Variants in RHBDF2 observed in about 807,000 individuals in gnomAD.
The protein encoded by RHBDF2 is inactive rhomboid protein 2.
In RHBDF2, 38 loss-of-function variants were observed where a neutral mutation model predicts 95.2. The ratio of observed to expected loss-of-function variants is 0.40; its 90% CI spans 0.31 to 0.52. The LOEUF is 0.52. Ranked by LOEUF, RHBDF2 falls within the 20% of genes least tolerant of loss-of-function variation. The pLI is 0.56. For synonymous variants in RHBDF2, 442 were observed against 462.0 expected (o/e 0.96, Z 0.55); for missense variants, 863 against 1,137.7 (o/e 0.76, Z 3.47).
Position 76,479,127 on chromosome 17 carries a change from C to T in RHBDF2, c.423G>A (p.Pro141=), listed in dbSNP as rs773372003. 26 of 1,613,522 alleles carry T rather than the reference C, an allele frequency of 1.6e-5. No individual in the cohort carries two copies. Among genetic ancestry groups the T allele is most frequent in the East Asian group, 4.5e-5 (2 of 44,902 alleles). ...RDLELPSQEA[P]SFQGTESPKP... ...TTGGGGACTCAGTGCCCTGGAAGGA[C>T]GGTGCCTCCTGGCTGGGGAGCTCCA... is the stretch of plus-strand genomic sequence containing the variant. Residue 141 remains proline, a synonymous_variant, in exon 5 of 19, where the codon CCG becomes CCA. Transcript: ENST00000675367.
At chr17:76,473,550 C>A in intron 15 of RHBDF2, 98 bp downstream of exon 15, 4 of 1,101,738 alleles carry the variant, frequency 3.6e-6, no homozygotes, top group Admixed American at 2.0e-5. Flanking sequence ...ATCGGCCCAG[C>A]GGCTGTGGGT....
intron 2 of RHBDF2, among the ~76,000 whole-genome samples, chr17:76,484,444 G>A (rs564919934): frequency 7.2e-5 from 11 of 151,850 alleles, no homozygotes; most frequent in African/African-American, 2.7e-4. Context: ...TGCACGGGTC[G>A]GCGAGACAGC....
chr17:76,486,737 A>G (rs1026237593), intron 2 of RHBDF2, among the ~76,000 whole-genome samples: 1 of 151,930 alleles, frequency 6.6e-6, no homozygotes, highest in East Asian at 1.9e-4. Flanking sequence ...ATAAATAAAA[A>G]CACTGATGGT....
At position 76,474,050 on chromosome 17, in the gene RHBDF2, G is replaced by A. The variant is rs2073680776; in HGVS notation, c.1557C>T (p.Val519=). Reference sequence around the variant, plus strand: ...GGCCCTACCTGGGGTCCTGGTGGCAGACAGCCCCCGAAGTCCGCTTCTGGC... The same window carrying A: ...GGCCCTACCTGGGGTCCTGGTGGCAAACAGCCCCCGAAGTCCGCTTCTGGC... ...DLGQKRTSGA[V]CHQDPRTCEE... Residue 519 remains valine, a synonymous_variant, in exon 13 of 19, where the codon GTC becomes GTT. Coordinates refer to ENST00000675367, the MANE Select transcript of RHBDF2 (RefSeq NM_001005498.4). The A allele has an allele frequency of 6.2e-7, 1 of 1,613,296 alleles. No homozygotes were observed. Among genetic ancestry groups the A allele is most frequent in the Non-Finnish European group, 8.5e-7 (1 of 1,179,862 alleles).
At chr17:76,485,501 G>C (rs2074100233) in intron 2 of RHBDF2, among the ~76,000 whole-genome samples, 1 of 151,072 alleles carries the variant, frequency 6.6e-6, no homozygotes, top group East Asian at 1.9e-4. Context: ...AGAATCACTT[G>C]AACCCAGGAC....
Position 76,474,734 on chromosome 17 carries a change from C to G in RHBDF2, c.1298G>C (p.Ser433Thr), listed in dbSNP as rs770791420. ...TCCCCCAGCCTGGGCCCTCACCGAG[C>G]TGGGGCCAACCCAGAAGTTCTCCTG... The part of the protein sequence containing the change: ...IQQENFWVGP[S>T]SIDLIHLGAK... Residue 433 changes from serine (S) to threonine (T), a missense_variant, in exon 11 of 19, where the codon AGC (serine) becomes ACC (threonine). Physicochemically the swap from Ser to Thr is moderately conservative, Grantham distance 58. Coordinates refer to ENST00000675367, the MANE Select transcript of RHBDF2 (RefSeq NM_001005498.4). The G allele has an allele frequency of 6.2e-7, 1 of 1,614,218 alleles. No individual in the cohort carries two copies. The highest frequency in any genetic ancestry group is 1.1e-5 in the South Asian group (1 of 91,084).
At chr17:76,476,633 G>C in intron 9 of RHBDF2, 197 bp downstream of exon 9, 1 of 719,886 alleles carries the variant, frequency 1.4e-6, no homozygotes, top group Non-Finnish European at 2.2e-6. Flanking sequence ...AAGAGAGGCA[G>C]CAAGCACCCC....
At chr17:76,492,017 C>T (rs1296350589) in intron 1 of RHBDF2, among the ~76,000 whole-genome samples, 4 of 152,208 alleles carry the variant, frequency 2.6e-5, no homozygotes, top group Admixed American at 6.5e-5. Context: ...CCCCCAGGCC[C>T]GCCTCCGCAC....
Position 76,480,051 on chromosome 17 carries a change from G to GTGTATATATATATATATATATATA in RHBDF2, c.151-198_151-197insTATATATATATATATATATATACA, listed in dbSNP as rs1363176782. On this transcript the variant is annotated intron_variant, in intron 3 of 18. Transcript: ENST00000675367. ...TGTGTGTGTGTGTGTGTTTGTATATGTATATATATATATATATATATTTTT... is the reference window on the plus strand; with the variant it reads ...TGTGTGTGTGTGTGTGTTTGTATATGTGTATATATATATATATATATATATATATATATATATATATATATTTTT... 3.5e-4 allele frequency: 14 copies of GTGTATATATATATATATATATATA among 39,880 alleles called. 1 individual carries two copies. The highest frequency in any genetic ancestry group is 5.0e-4 in the Non-Finnish European group (10 of 19,990). 2.5% of individuals were successfully genotyped at this position (39,880 alleles called of 1,614,324 possible).
intron 1 of RHBDF2, among the ~76,000 whole-genome samples, chr17:76,498,696 G>A (rs2074491733): frequency 6.6e-6 from 1 of 152,168 alleles, no homozygotes; most frequent in Non-Finnish European, 1.5e-5. Context: ...AGCAGGACTC[G>A]GGCCCCAAGT....
rs749302992 is a variant in RHBDF2, at chr17:76,497,156, T to C, written c.-220+4197A>G. ...TGCCAGAGACCGGGGCAGGAAGCCA[T>C]CCCTGCACCACCTGCTGGCACAGGG... is the stretch of plus-strand genomic sequence containing the variant. On this transcript the variant is annotated intron_variant, in intron 1 of 18. Transcript: ENST00000675367. Among the ~76,000 whole-genome samples the C allele has an allele frequency of 5.3e-5, 8 of 152,076 alleles. 1 individual carries two copies. The highest frequency in any genetic ancestry group is 1.2e-4 in the Non-Finnish European group (8 of 68,012).
At chr17:76,474,245 A>G (rs2073688640) in intron 12 of RHBDF2, 103 bp from the exon 13 acceptor site, 1 of 1,347,810 alleles carries the variant, frequency 7.4e-7, no homozygotes, top group East Asian at 2.3e-5. Context: ...GCTCAGTCTC[A>G]TCTATGGGGG....
intron 12 of RHBDF2, 54 bp from the exon 13 acceptor site, chr17:76,474,196 G>A: frequency 7.2e-7 from 1 of 1,391,590 alleles, no homozygotes; most frequent in African/African-American, 1.4e-5. Flanking sequence ...CACCCCCACT[G>A]GAGTGGGCAA....
rs1166769424 is a variant in RHBDF2, at chr17:76,475,145, T to C, written c.1116-4A>G. On this transcript the variant is annotated splice_polypyrimidine_tract_variant and splice_region_variant and intron_variant, in intron 9 of 18. Transcript: ENST00000675367. Reference sequence around the variant, plus strand: ...CAGCCAGTAGGTGAAGTAGGGCCTGTGCAGAGACACCTCGGGTCAGCTGAG... The same window carrying C: ...CAGCCAGTAGGTGAAGTAGGGCCTGCGCAGAGACACCTCGGGTCAGCTGAG... 28 of 1,580,636 alleles carry C rather than the reference T, an allele frequency of 1.8e-5. No individual in the cohort carries two copies. Among genetic ancestry groups the C allele is most frequent in the Non-Finnish European group, 2.3e-5 (27 of 1,162,534 alleles).
intron 18 of RHBDF2, 49 bp from the exon 19 acceptor site, chr17:76,472,101 T>C (rs2073590328): frequency 3.3e-6 from 5 of 1,499,438 alleles, no homozygotes; most frequent in African/African-American, 1.4e-5. Context: ...GTGGGTGGCC[T>C]GGGCCGGGCC....
chr17:76,497,200 A>C (rs989892820), intron 1 of RHBDF2, among the ~76,000 whole-genome samples: 3 of 151,940 alleles, frequency 2.0e-5, no homozygotes, highest in Admixed American at 6.6e-5. Context: ...CACACGGGGG[A>C]GGCAGAGGAG....
chr17:76,498,369 A>G (rs2074482186), intron 1 of RHBDF2, among the ~76,000 whole-genome samples: 1 of 152,226 alleles, frequency 6.6e-6, no homozygotes, highest in Admixed American at 6.5e-5. Flanking sequence ...CAGATGGGGC[A>G]GCGCCGAGGC....
chr17:76,482,377 G>A (rs1370324357), intron 2 of RHBDF2, among the ~76,000 whole-genome samples: 2 of 152,076 alleles, frequency 1.3e-5, no homozygotes, highest in Non-Finnish European at 2.9e-5. Context: ...TAGCCAGGCT[G>A]GTCTGGAACT....
chr17:76,486,372 T>A (rs988687182), intron 2 of RHBDF2, among the ~76,000 whole-genome samples: 1 of 152,160 alleles, frequency 6.6e-6, no homozygotes, highest in African/African-American at 2.4e-5. Flanking sequence ...CAGAAAGTGC[T>A]GAGATTACAG....
Sources: allele counts gnomAD v4.1 joint callset (sites outside exome capture counted in the v4.1 genomes callset), GRCh38; gene constraint gnomAD v4.1.1; transcripts MANE v1.5; gene names NCBI Gene and HGNC (gene_info 2026-07-23, HGNC 2026-07-21).